Variants in TRPM3 observed in about 807,000 individuals in gnomAD.
TRPM3 encodes transient receptor potential cation channel subfamily M member 3.
A neutral mutation model predicts 181.2 loss-of-function variants in TRPM3; 77 were observed. That is an observed-to-expected ratio of 0.42 (90% CI 0.35 to 0.51). The LOEUF (loss-of-function observed/expected upper bound fraction) is 0.51, where lower values mean the gene tolerates loss of function less well. Among genes scored for constraint, TRPM3 ranks in the 20% least tolerant of loss-of-function variants. The probability of loss-of-function intolerance (pLI) is 0.01; values close to 1 mark genes in which losing one functional copy is unlikely to be tolerated. For missense variants in TRPM3, 1,759 were observed against 2,196.7 expected (o/e 0.80, Z 3.98); for synonymous variants, 745 against 796.4 (o/e 0.94, Z 1.09).
rs372170254 is a variant in TRPM3 at position 70,603,413 on chromosome 9, G to A, written c.2725C>T (p.Arg909Cys). ...ATCCATTCCTGGGTGGACGGCCAGC[G>A]TTCCATCTTCACTAACACGATATAG... ...FNYIVLVKME[R>C]WPSTQEWIVI... The change falls in exon 20 of 26, where the codon CGC becomes TGC. Residue 909 changes from arginine (R) to cysteine (C), a missense_variant. Arg to Cys is a radical substitution (Grantham distance 180). Transcript: ENST00000677713. 28 of 1,613,946 alleles carry A rather than the reference G, an allele frequency of 1.7e-5. No homozygotes were observed. The highest frequency in any genetic ancestry group is 1.6e-4 in the Middle Eastern group (1 of 6,084).
chr9:70,922,987 G>A (rs778559987), intron 1 of TRPM3, among the ~76,000 whole-genome samples: 3 of 151,980 alleles, frequency 2.0e-5, no homozygotes, highest in Non-Finnish European at 4.4e-5. Flanking sequence ...ATTGATCCAC[G>A]TATCAAAAGT....
intron 1 of TRPM3, among the ~76,000 whole-genome samples, chr9:70,974,482 G>T (rs1590208983): frequency 2.0e-5 from 3 of 152,018 alleles, no homozygotes; most frequent in African/African-American, 4.8e-5. Flanking sequence ...GAGCTTGCAG[G>T]GAGCCGAGAG....
rs2090788808 is a variant in TRPM3 at position 71,339,280 on chromosome 9, T to C, written c.183+107373A>G. Among the ~76,000 whole-genome samples the C allele has an allele frequency of 3.3e-5, 5 of 152,132 alleles. No individual in the cohort carries two copies. The South Asian group carries it at 1.0e-3, about 31-fold the overall frequency. ...GTTATGTCAAAGTTAATTCATAAAC[T>C]TAATGTGATCACAATAAAAATCTTT... On this transcript the variant is annotated intron_variant, in intron 1 of 24. Transcript: ENST00000357533.
intron 1 of TRPM3, among the ~76,000 whole-genome samples, chr9:71,345,606 G>A (rs973870694): frequency 1.3e-5 from 2 of 151,956 alleles, no homozygotes; most frequent in Non-Finnish European, 2.9e-5. Context: ...GGGGGCAAGG[G>A]GAAGGAGAGC....
At chr9:71,192,025 A>C (rs7847948) in intron 1 of TRPM3, among the ~76,000 whole-genome samples, 65,120 of 151,680 alleles carry the variant, frequency 0.43, 14,380 homozygotes, top group East Asian at 0.52. Context: ...CTTCAACTAA[A>C]GGAAGAAAAA....
intron 1 of TRPM3, among the ~76,000 whole-genome samples, chr9:71,344,315 G>A (rs747930648): frequency 5.3e-5 from 8 of 152,030 alleles, no homozygotes; most frequent in Admixed American, 2.6e-4. Context: ...GCTAGGTATC[G>A]TAGCGCATGC....
rs1024461163 is a variant in TRPM3 at position 71,083,199 on chromosome 9, A to C, written c.177+37979T>G. Among the ~76,000 whole-genome samples, 8 of 152,126 alleles carry C rather than the reference A, an allele frequency of 5.3e-5. No homozygotes were observed. The South Asian group carries it at 1.0e-3, about 20-fold the overall frequency. On this transcript the variant is annotated intron_variant, in intron 1 of 25. Transcript: ENST00000677713. Reference sequence around the variant, plus strand: ...TGTGTGAGATGAAAATAATTTCATAAGATGTAATTATTTTCAGTCTCATAA... The same window carrying C: ...TGTGTGAGATGAAAATAATTTCATACGATGTAATTATTTTCAGTCTCATAA...
In TRPM3 at chr9:71,209,624, G is replaced by T. The variant is rs184231567; in HGVS notation, c.183+237029C>A. ...AGCACCTGCTGATAGAGACAGAGGG[G>T]AAGTTATCTGTGGCAGGCGCTGCAA... On this transcript the variant is annotated intron_variant, in intron 1 of 24. Coordinates refer to the TRPM3 transcript ENST00000357533. 1.1e-3 allele frequency among the ~76,000 whole-genome samples: 168 copies of T among 152,324 alleles called. 2 individuals carry two copies. The highest frequency in any genetic ancestry group is 3.6e-3 in the African/African-American group (149 of 41,582).
At chr9:70,814,826 C>CT (rs1564420615) in intron 6 of TRPM3, among the ~76,000 whole-genome samples, 1 of 152,012 alleles carries the variant, frequency 6.6e-6, no homozygotes, top group Non-Finnish European at 1.5e-5. Flanking sequence ...TGTGAATAGA[C>CT]TACTTTCAAA....
chr9:70,764,296 G>C (rs931791672), intron 7 of TRPM3, among the ~76,000 whole-genome samples: 3 of 152,154 alleles, frequency 2.0e-5, no homozygotes, highest in African/African-American at 7.2e-5. Flanking sequence ...TCAGTATCAA[G>C]CATCCATTGA....
intron 9 of TRPM3, among the ~76,000 whole-genome samples, chr9:70,653,142 T>G (rs2059807252): frequency 6.6e-6 from 1 of 152,116 alleles, no homozygotes; most frequent in Non-Finnish European, 1.5e-5. Flanking sequence ...GATTTGGGTT[T>G]AGCCAAGAAG....
intron 1 of TRPM3, among the ~76,000 whole-genome samples, chr9:71,440,655 A>C (rs899406877): frequency 6.6e-6 from 1 of 152,200 alleles, no homozygotes; most frequent in Non-Finnish European, 1.5e-5. Context: ...GTCACTTTGC[A>C]TATTTCTTGT....
At chr9:70,850,354 AG>A (rs1755804515) in intron 3 of TRPM3, among the ~76,000 whole-genome samples, 1 of 152,146 alleles carries the variant, frequency 6.6e-6, no homozygotes, top group African/African-American at 2.4e-5. Flanking sequence ...CTTAAGTAAA[AG>A]TTTCTGTTAA....
rs142743585 is a variant in TRPM3, at chr9:71,024,740, A to G, written c.177+96438T>C. Among the ~76,000 whole-genome samples, 219 of 152,320 alleles carry G rather than the reference A, an allele frequency of 1.4e-3. 2 individuals are homozygous for G. Among genetic ancestry groups the G allele is most frequent in the Non-Finnish European group, 2.8e-3 (188 of 68,014 alleles). On this transcript the variant is annotated intron_variant, in intron 1 of 25. Transcript: ENST00000677713. ...TCTTGGCATTCAGTCAGTCTTAGCCAACTGTATTATCTGCCAGCAGCTCAT... is the reference window on the plus strand; with the variant it reads ...TCTTGGCATTCAGTCAGTCTTAGCCGACTGTATTATCTGCCAGCAGCTCAT...
At chr9:70,942,411 G>T (rs138466897) in intron 1 of TRPM3, among the ~76,000 whole-genome samples, 2 of 152,150 alleles carry the variant, frequency 1.3e-5, no homozygotes, top group African/African-American at 4.8e-5. Context: ...GCAAAGAATT[G>T]TAAGATTCAG....
chr9:71,192,149 G>A (rs918488667), intron 1 of TRPM3, among the ~76,000 whole-genome samples: 1 of 151,718 alleles, frequency 6.6e-6, no homozygotes, highest in Non-Finnish European at 1.5e-5. Flanking sequence ...CATCCAAACG[G>A]TATCATTGTG....
intron 1 of TRPM3, among the ~76,000 whole-genome samples, chr9:71,146,125 G>A (rs2075392316): frequency 6.6e-6 from 1 of 152,126 alleles, no homozygotes; most frequent in African/African-American, 2.4e-5. Flanking sequence ...TTGGAAGAAT[G>A]GGAGAAAATT....
chr9:70,759,326 G>T (rs1267338665), intron 8 of TRPM3, among the ~76,000 whole-genome samples: 1 of 152,166 alleles, frequency 6.6e-6, no homozygotes, highest in Non-Finnish European at 1.5e-5. Flanking sequence ...TAAAAAGTCA[G>T]GAAACAACAG....
chr9:71,343,312 G>C (rs935523801), intron 1 of TRPM3, among the ~76,000 whole-genome samples: 2 of 152,088 alleles, frequency 1.3e-5, no homozygotes, highest in African/African-American at 4.8e-5. Context: ...GAAAAAGAAA[G>C]AACTAGTCCA....
Sources: allele counts gnomAD v4.1 joint callset (sites outside exome capture counted in the v4.1 genomes callset), GRCh38; gene constraint gnomAD v4.1.1; transcripts MANE v1.5; gene names NCBI Gene and HGNC (gene_info 2026-07-23, HGNC 2026-07-21).